Variants in BRINP3 observed in about 807,000 individuals in gnomAD.
BRINP3 encodes the protein BMP/retinoic acid inducible neural specific 3, also known as BMP/retinoic acid-inducible neural-specific protein 3.
BRINP3 carries 19 observed loss-of-function variants against 71.0 expected under a neutral mutation model. The ratio of observed to expected loss-of-function variants is 0.27; its 90% CI spans 0.19 to 0.39. BRINP3 has a LOEUF of 0.39. Among genes scored for constraint, BRINP3 ranks in the 10% least tolerant of loss-of-function variants. The probability of loss-of-function intolerance (pLI) is 1.00; values close to 1 mark genes in which losing one functional copy is unlikely to be tolerated. For synonymous variants in BRINP3, 380 were observed against 337.7 expected (o/e 1.13, Z -1.37); for missense variants, 959 against 940.8 (o/e 1.02, Z -0.25).
At chr1:190,380,546 T>G (rs948455278) in intron 2 of BRINP3, among the ~76,000 whole-genome samples, 1 of 152,142 alleles carries the variant, frequency 6.6e-6, no homozygotes, top group African/African-American at 2.4e-5. Context: ...AATGAGATTC[T>G]GGAGATAGAC....
chr1:190,147,073 G>A (rs761939079), intron 7 of BRINP3, among the ~76,000 whole-genome samples: 3 of 151,804 alleles, frequency 2.0e-5, no homozygotes, highest in East Asian at 1.9e-4. Flanking sequence ...TTTTGTTTGC[G>A]TATTGGTAGG....
chr1:190,267,671 A>G (rs1470770286), intron 3 of BRINP3, among the ~76,000 whole-genome samples: 1 of 152,094 alleles, frequency 6.6e-6, no homozygotes, highest in Non-Finnish European at 1.5e-5. Context: ...TAGTTAACCT[A>G]CTTTTTTTCT....
At chr1:190,131,770 A>G (rs1437273504) in intron 7 of BRINP3, among the ~76,000 whole-genome samples, 1 of 152,050 alleles carries the variant, frequency 6.6e-6, no homozygotes, top group African/African-American at 2.4e-5. Flanking sequence ...CTATCTACAA[A>G]TGCATTTTCA....
chr1:190,181,233 C>T (rs1653005567), intron 6 of BRINP3, among the ~76,000 whole-genome samples: 1 of 151,878 alleles, frequency 6.6e-6, no homozygotes, highest in Non-Finnish European at 1.5e-5. Flanking sequence ...TTGTCTGTAC[C>T]AGTATACATT....
intron 4 of BRINP3, among the ~76,000 whole-genome samples, chr1:190,247,562 C>T (rs185868094): frequency 2.1e-4 from 32 of 151,922 alleles, no homozygotes; most frequent in Middle Eastern, 3.4e-3. Flanking sequence ...CTGCAGAATG[C>T]CAGAACTCAT....
intron 6 of BRINP3, among the ~76,000 whole-genome samples, chr1:190,217,628 T>C (rs1656525083): frequency 6.6e-6 from 1 of 152,048 alleles, no homozygotes; most frequent in Non-Finnish European, 1.5e-5. Flanking sequence ...ACTTCTCAAG[T>C]GAAATATGAA....
chr1:190,456,908 A>C (rs1358910690), intron 1 of BRINP3, among the ~76,000 whole-genome samples: 1 of 152,186 alleles, frequency 6.6e-6, no homozygotes, highest in Non-Finnish European at 1.5e-5. Context: ...AACTTCAGTC[A>C]CACCATCTAA....
At chr1:190,165,443 G>GTTTTTTTTTTTTTT (rs1222291505) in intron 6 of BRINP3, among the ~76,000 whole-genome samples, 3 of 46,604 alleles carry the variant, frequency 6.4e-5, no homozygotes, top group East Asian at 6.6e-4. Flanking sequence ...TTCATTGGCT[G>GTTTTTTTTTTTTTT]TTTTTTTTTT....
chr1:190,264,891 TGTG>T lies in BRINP3; in HGVS notation c.589_591del (p.His197del). On this transcript the variant is annotated inframe_deletion, in exon 4 of 8. Coordinates refer to ENST00000367462, the MANE Select transcript of BRINP3 (RefSeq NM_199051.3). ...TTTATGGCAGTGGATGCAATTTGAA[TGTG>T]GTGAAGTCTCCGAAGGGTGCTGTCC... 1 of 1,613,282 alleles carries T rather than the reference TGTG, an allele frequency of 6.2e-7. No homozygotes were observed. Among genetic ancestry groups the T allele is most frequent in the Non-Finnish European group, 8.5e-7 (1 of 1,179,658 alleles).
intron 2 of BRINP3, among the ~76,000 whole-genome samples, chr1:190,354,049 G>T (rs965972456): frequency 6.6e-6 from 1 of 151,848 alleles, no homozygotes; most frequent in Non-Finnish European, 1.5e-5. Context: ...CTCTGTCTTG[G>T]CTTACTGATC....
intron 7 of BRINP3, among the ~76,000 whole-genome samples, chr1:190,116,533 C>T (rs1320017348): frequency 6.6e-6 from 1 of 152,056 alleles, no homozygotes; most frequent in Non-Finnish European, 1.5e-5. Flanking sequence ...AGTAGCATAA[C>T]TACTATGTAA....
At chr1:190,191,632 C>A (rs2102575257) in intron 6 of BRINP3, among the ~76,000 whole-genome samples, 1 of 152,174 alleles carries the variant, frequency 6.6e-6, no homozygotes, top group Admixed American at 6.5e-5. Context: ...ATATGTGCCA[C>A]ATTTTTTTTT....
intron 2 of BRINP3, among the ~76,000 whole-genome samples, chr1:190,389,211 TAA>T (rs533838854): frequency 4.0e-5 from 6 of 151,772 alleles, no homozygotes; most frequent in South Asian, 4.1e-4. Context: ...ATAAAATTTA[TAA>T]GTCACCAAAA....
At chr1:190,286,573 T>C (rs1663440811) in intron 2 of BRINP3, among the ~76,000 whole-genome samples, 1 of 152,132 alleles carries the variant, frequency 6.6e-6, no homozygotes, top group Non-Finnish European at 1.5e-5. Context: ...ATGCAGTAGC[T>C]GAAAAGATTT....
chr1:190,234,675 T>C (rs994619276), intron 4 of BRINP3, among the ~76,000 whole-genome samples, 198 bp from the exon 5 acceptor site: 1 of 152,162 alleles, frequency 6.6e-6, no homozygotes, highest in African/African-American at 2.4e-5. Flanking sequence ...ATTCATTTTC[T>C]TTCCTTTGGT....
chr1:190,232,050 C>T (rs1490110172), intron 5 of BRINP3, among the ~76,000 whole-genome samples: 10 of 151,930 alleles, frequency 6.6e-5, no homozygotes, highest in Non-Finnish European at 1.0e-4. Context: ...ATGGGCCAAA[C>T]GCTCTGATTC....
At chr1:190,276,105 A>C (rs1323099645) in intron 3 of BRINP3, among the ~76,000 whole-genome samples, 1 of 151,532 alleles carries the variant, frequency 6.6e-6, no homozygotes, top group East Asian at 1.9e-4. Flanking sequence ...ATTATTTCCT[A>C]GGATAGGAAT....
intron 1 of BRINP3, among the ~76,000 whole-genome samples, chr1:190,460,547 T>A (rs1189753460): frequency 1.3e-5 from 2 of 152,286 alleles, no homozygotes; most frequent in South Asian, 4.1e-4. Context: ...AAAATAAATC[T>A]TATTGATCAA....
intron 6 of BRINP3, among the ~76,000 whole-genome samples, chr1:190,200,049 T>C (rs2102607397): frequency 6.6e-6 from 1 of 152,230 alleles, no homozygotes; most frequent in East Asian, 1.9e-4. Context: ...AGTTCAAGTG[T>C]TGACCTTTTC....
Sources: gnomAD v4.1 joint callset for allele counts (sites outside exome capture counted in the v4.1 genomes callset) on GRCh38, gnomAD v4.1.1 for gene constraint, MANE v1.5 for transcripts, NCBI Gene and HGNC (gene_info 2026-07-23, HGNC 2026-07-21) for gene names.